The following LARP1B variants were observed in gnomAD, a reference collection of about 807,000 sequenced individuals.
The protein encoded by LARP1B is La ribonucleoprotein 1B.
A neutral mutation model predicts 114.2 loss-of-function variants in LARP1B; 76 were observed. The ratio of observed to expected loss-of-function variants is 0.67; its 90% CI spans 0.55 to 0.81. The LOEUF is 0.81. LARP1B is among the 30% of genes least tolerant of loss of function. LARP1B has a pLI of 0.00. For synonymous variants in LARP1B, 345 were observed against 348.0 expected (o/e 0.99, Z 0.10); for missense variants, 1,014 against 1,075.8 (o/e 0.94, Z 0.80).
At chr4:128,130,025 G>C (rs943939207) in intron 11 of LARP1B, among the ~76,000 whole-genome samples, 26 of 152,120 alleles carry the variant, frequency 1.7e-4, no homozygotes, top group Admixed American at 3.3e-4. Flanking sequence ...TTAAAATTCA[G>C]AACTTCTGCC....
intron 11 of LARP1B, among the ~76,000 whole-genome samples, chr4:128,133,186 G>A (rs1792113973): frequency 6.6e-6 from 1 of 152,198 alleles, no homozygotes; most frequent in South Asian, 2.1e-4. Flanking sequence ...GAGTGGCTAG[G>A]AGGAAATGTG....
At chr4:128,145,276 T>C (rs1457828592) in intron 11 of LARP1B, among the ~76,000 whole-genome samples, 1 of 152,186 alleles carries the variant, frequency 6.6e-6, no homozygotes, top group Admixed American at 6.5e-5. Flanking sequence ...TCTTATTCTC[T>C]AGACTCGAGT....
intron 11 of LARP1B, among the ~76,000 whole-genome samples, chr4:128,133,593 G>C (rs1792237017): frequency 6.6e-6 from 1 of 152,196 alleles, no homozygotes; most frequent in South Asian, 2.1e-4. Flanking sequence ...CAGACTTCCT[G>C]CTTGTTACAG....
intron 4 of LARP1B, among the ~76,000 whole-genome samples, chr4:128,078,220 G>A (rs923462083): frequency 6.6e-6 from 1 of 152,234 alleles, no homozygotes; most frequent in South Asian, 2.1e-4. Flanking sequence ...ATACATTCTT[G>A]GAAAGTTGTG....
intron 11 of LARP1B, among the ~76,000 whole-genome samples, chr4:128,131,310 C>G (rs1791505999): frequency 6.6e-6 from 1 of 151,854 alleles, no homozygotes; most frequent in African/African-American, 2.4e-5. Context: ...TCTAAAAATA[C>G]CTAAAGAAAG....
rs371762936 is a variant in LARP1B, at chr4:128,081,185, TCTC to T, written c.218-977_218-975del. 5.9e-4 allele frequency among the ~76,000 whole-genome samples: 89 copies of T among 151,668 alleles called. 1 individual carries two copies. The highest frequency in any genetic ancestry group is 2.1e-3 in the African/African-American group (86 of 41,328). ...CCTCTGCCTCCCGGGTTTAAGGAAT[TCTC>T]CTGTCTCAGCTTCCCGAGTAGCTGG... On this transcript the variant is annotated intron_variant, in intron 4 of 19. Coordinates refer to ENST00000326639, the MANE Select transcript of LARP1B (RefSeq NM_018078.4).
intron 11 of LARP1B, among the ~76,000 whole-genome samples, chr4:128,129,241 G>C (rs1401285766): frequency 7.2e-6 from 1 of 139,380 alleles, no homozygotes; most frequent in Non-Finnish European, 1.5e-5. Context: ...TGTAGTCCCA[G>C]CTACTGGAGA....
chr4:128,202,965 G>A (rs990229158), intron 17 of LARP1B, among the ~76,000 whole-genome samples: 7 of 152,308 alleles, frequency 4.6e-5, no homozygotes, highest in Admixed American at 2.6e-4. Flanking sequence ...TTGGGAGGCC[G>A]AGGCAGGCAG....
chr4:128,210,878 A>G lies in LARP1B; in HGVS notation c.*825A>G. 1.0e-6 allele frequency: 1 copy of G among 984,248 alleles called. No homozygotes were observed. Among genetic ancestry groups the G allele is most frequent in the Non-Finnish European group, 1.2e-6 (1 of 828,852 alleles). The allele number at this position is 984,248 out of a possible 1,614,324, so 61.0% of individuals were successfully genotyped here. A position where few individuals can be genotyped will look rare whatever the true frequency, so the allele number is the denominator to read the frequency against. ...TTGATTGGAATATTGTCCTAAATTA[A>G]TTAAATCTTGCACTGTTTTGAATGC... On this transcript the variant is annotated 3_prime_UTR_variant, in exon 20 of 20. Coordinates refer to ENST00000326639, the MANE Select transcript of LARP1B (RefSeq NM_018078.4).
At chr4:128,214,717 ACT>A (rs1177178475), downstream of LARP1B, among the ~76,000 whole-genome samples, 14 of 57,000 alleles carry the variant, frequency 2.5e-4, no homozygotes, top group East Asian at 2.8e-3. Flanking sequence ...AAAACTGGAA[ACT>A]CTAAAACGCA....
chr4:128,156,175 C>A lies in LARP1B; in HGVS notation c.1525-6019C>A. The A allele has an allele frequency of 8.1e-6, 13 of 1,610,008 alleles. No homozygotes were observed. The South Asian group carries it at 1.4e-4, about 18-fold the overall frequency. ...CAGCGGAGACCCATCCTCTGACCCC[C>A]TTGGCTCTCCAACCCTCCTCGCTTT... On this transcript the variant is annotated intron_variant, in intron 11 of 19. Transcript: ENST00000326639.
At chr4:128,088,134 G>C (rs1046192173) in intron 5 of LARP1B, among the ~76,000 whole-genome samples, 4 of 152,024 alleles carry the variant, frequency 2.6e-5, no homozygotes. Flanking sequence ...GTTCCAGGCT[G>C]CAGTGAGCTA....
chr4:128,197,467 G>A (rs565269841), intron 15 of LARP1B, among the ~76,000 whole-genome samples: 4 of 152,210 alleles, frequency 2.6e-5, no homozygotes, highest in East Asian at 1.9e-4. Flanking sequence ...AGGCCGAGGC[G>A]GGCAGATCAC....
chr4:128,187,892 T>C (rs888440542), intron 15 of LARP1B, among the ~76,000 whole-genome samples: 4 of 152,076 alleles, frequency 2.6e-5, no homozygotes, highest in African/African-American at 7.2e-5. Context: ...TAAAAGTGTG[T>C]GGCACCTCCA....
intron 15 of LARP1B, among the ~76,000 whole-genome samples, chr4:128,193,881 G>A (rs1209758068): frequency 2.6e-5 from 4 of 152,174 alleles, no homozygotes; most frequent in Non-Finnish European, 5.9e-5. Flanking sequence ...GCCTTCCAAA[G>A]TGCTGGGATT....
At chr4:128,062,391 A>C (rs1408699185) in intron 1 of LARP1B, among the ~76,000 whole-genome samples, 2 of 152,122 alleles carry the variant, frequency 1.3e-5, no homozygotes, top group Non-Finnish European at 2.9e-5. Flanking sequence ...GCCTATTTAC[A>C]GACATGGGCA....
At chr4:128,108,258 A>G in intron 9 of LARP1B, 2 of 1,086,620 alleles carry the variant, frequency 1.8e-6, no homozygotes, top group Non-Finnish European at 2.2e-6. Flanking sequence ...AGGGTTATGT[A>G]CTTGTGTCCA....
At chr4:128,129,021 C>T (rs1025410285) in intron 11 of LARP1B, among the ~76,000 whole-genome samples, 3 of 151,560 alleles carry the variant, frequency 2.0e-5, no homozygotes, top group Admixed American at 6.6e-5. Flanking sequence ...AAAAATTAGC[C>T]AGGCGTGATG....
chr4:128,140,408 G>A (rs1319006689), intron 11 of LARP1B, among the ~76,000 whole-genome samples: 1 of 152,168 alleles, frequency 6.6e-6, no homozygotes, highest in Non-Finnish European at 1.5e-5. Flanking sequence ...CTGAATGAAA[G>A]AAGTGAGGGT....
Sources: gnomAD v4.1 joint callset for allele counts (sites outside exome capture counted in the v4.1 genomes callset) on GRCh38, gnomAD v4.1.1 for gene constraint, MANE v1.5 for transcripts, NCBI Gene and HGNC (gene_info 2026-07-23, HGNC 2026-07-21) for gene names.